ELOVL5: variants seen among roughly 807,000 people sequenced by gnomAD.
The protein encoded by ELOVL5 is ELOVL fatty acid elongase 5.
Under a neutral mutation model 38.6 loss-of-function variants are expected in ELOVL5, and 8 were observed. The observed-to-expected ratio is 0.21, with a 90% confidence interval of 0.12 to 0.37. ELOVL5 has a LOEUF of 0.37. Ranked by LOEUF, ELOVL5 falls within the 10% of genes least tolerant of loss-of-function variation. The pLI is 1.00. For missense variants in ELOVL5, 280 were observed against 367.8 expected (o/e 0.76, Z 1.95); for synonymous variants, 127 against 133.7 (o/e 0.95, Z 0.34).
At chr6:53,343,179 C>T (rs1429310193) in intron 1 of ELOVL5, among the ~76,000 whole-genome samples, 1 of 151,176 alleles carries the variant, frequency 6.6e-6, no homozygotes, top group Non-Finnish European at 1.5e-5. Flanking sequence ...ATCAACTGTT[C>T]TGACATTTTC....
intron 1 of ELOVL5, among the ~76,000 whole-genome samples, chr6:53,348,609 C>T (rs1769686528): frequency 6.6e-6 from 1 of 152,228 alleles, no homozygotes; most frequent in Admixed American, 6.5e-5. Context: ...GCACCCCTTT[C>T]CCCGCGCCCG....
chr6:53,292,997 G>A (rs923177292), intron 2 of ELOVL5, among the ~76,000 whole-genome samples: 4 of 152,124 alleles, frequency 2.6e-5, no homozygotes, highest in African/African-American at 9.7e-5. Context: ...AGGGAAACAG[G>A]TCAGCCGCCA....
intron 1 of ELOVL5, among the ~76,000 whole-genome samples, chr6:53,303,809 G>A (rs962664062): frequency 7.9e-5 from 12 of 152,224 alleles, no homozygotes; most frequent in African/African-American, 2.9e-4. Flanking sequence ...TTTAACCATC[G>A]CTGGAGAAGG....
At chr6:53,303,161 T>C (rs762735036) in intron 1 of ELOVL5, among the ~76,000 whole-genome samples, 10 of 152,224 alleles carry the variant, frequency 6.6e-5, no homozygotes, top group African/African-American at 1.2e-4. Flanking sequence ...TTTTCTAGGT[T>C]GGGAAAATCA....
intron 3 of ELOVL5, among the ~76,000 whole-genome samples, chr6:53,289,081 C>T (rs1766678427): frequency 6.6e-6 from 1 of 152,074 alleles, no homozygotes; most frequent in Non-Finnish European, 1.5e-5. Flanking sequence ...CCGCTTCTTC[C>T]TGTCTCCTTT....
intron 3 of ELOVL5, among the ~76,000 whole-genome samples, chr6:53,277,256 G>A (rs1400315161): frequency 6.6e-6 from 1 of 151,944 alleles, no homozygotes; most frequent in African/African-American, 2.4e-5. Flanking sequence ...CACTCACGCT[G>A]GGTATCCTGC....
At chr6:53,281,690 T>C (rs1411867183) in intron 3 of ELOVL5, among the ~76,000 whole-genome samples, 1 of 152,200 alleles carries the variant, frequency 6.6e-6, no homozygotes, top group Non-Finnish European at 1.5e-5. Flanking sequence ...CTCTAGGGTT[T>C]AGTTGGCCAA....
At chr6:53,318,575 C>T (rs1405607146) in intron 1 of ELOVL5, among the ~76,000 whole-genome samples, 1 of 151,966 alleles carries the variant, frequency 6.6e-6, no homozygotes, top group East Asian at 1.9e-4. Context: ...CCCATCTCTA[C>T]AAAAACTACA....
At chr6:53,304,514 T>C (rs1767400452) in intron 1 of ELOVL5, among the ~76,000 whole-genome samples, 1 of 152,166 alleles carries the variant, frequency 6.6e-6, no homozygotes, top group South Asian at 2.1e-4. Context: ...GGCAGGGTCA[T>C]AGGACAACAG....
intron 1 of ELOVL5, among the ~76,000 whole-genome samples, chr6:53,319,858 T>C (rs989113378): frequency 3.9e-5 from 6 of 152,232 alleles, no homozygotes; most frequent in African/African-American, 1.2e-4. Flanking sequence ...TGCAGCCCTT[T>C]GTCATCTTTG....
At chr6:53,333,032 A>C (rs553127855) in intron 1 of ELOVL5, among the ~76,000 whole-genome samples, 1 of 152,278 alleles carries the variant, frequency 6.6e-6, no homozygotes, top group Non-Finnish European at 1.5e-5. Context: ...AAATTACATG[A>C]CACTCCCTTC....
chr6:53,304,778 G>T (rs1031588359), intron 1 of ELOVL5, among the ~76,000 whole-genome samples: 1 of 152,342 alleles, frequency 6.6e-6, no homozygotes, highest in Middle Eastern at 3.4e-3. Context: ...CAACGCAGAA[G>T]AATTTTTCTT....
chr6:53,330,963 T>C (rs1561891070), intron 1 of ELOVL5, among the ~76,000 whole-genome samples: 1 of 152,236 alleles, frequency 6.6e-6, no homozygotes, highest in Non-Finnish European at 1.5e-5. Flanking sequence ...CAATGTTTTC[T>C]TCAGGAATAC....
chr6:53,341,800 GAC>G (rs1218118939), intron 1 of ELOVL5, among the ~76,000 whole-genome samples: 1 of 152,158 alleles, frequency 6.6e-6, no homozygotes, highest in Non-Finnish European at 1.5e-5. Flanking sequence ...ATAACAGAGA[GAC>G]GTTTTTACTA....
At position 53,297,632 on chromosome 6, in the gene ELOVL5, T is replaced by C. The variant is rs185496842; in HGVS notation, c.-8-1925A>G. ...TGTTCGATTTAATTATTAGTTATTG[T>C]TGTTAATCTTACTTTGCCTAATTTA... is the stretch of plus-strand genomic sequence containing the variant. On this transcript the variant is annotated intron_variant, in intron 1 of 7. Transcript: ENST00000304434. Among the ~76,000 whole-genome samples the C allele has an allele frequency of 3.0e-3, 455 of 152,312 alleles. 7 individuals are homozygous for C. In the South Asian group the frequency reaches 0.031, roughly 10 times the overall value.
intron 6 of ELOVL5, 150 bp from the exon 7 acceptor site, chr6:53,270,877 A>G (rs1765893953): frequency 2.6e-6 from 2 of 765,636 alleles, no homozygotes; most frequent in Non-Finnish European, 4.2e-6. Flanking sequence ...TGAACACAAC[A>G]CATACACTAT....
At chr6:53,322,311 C>T (rs1768332231) in intron 1 of ELOVL5, among the ~76,000 whole-genome samples, 2 of 152,132 alleles carry the variant, frequency 1.3e-5, no homozygotes, top group Admixed American at 1.3e-4. Flanking sequence ...GAAGACTCTT[C>T]CAGTTGTTTT....
chr6:53,318,264 G>A (rs761628702), intron 1 of ELOVL5, among the ~76,000 whole-genome samples: 1 of 152,196 alleles, frequency 6.6e-6, no homozygotes, highest in East Asian at 1.9e-4. Flanking sequence ...GCTACCAAGA[G>A]TATAGCTGAA....
At chr6:53,270,776 G>C in intron 6 of ELOVL5, 49 bp from the exon 7 acceptor site, 3 of 1,602,270 alleles carry the variant, frequency 1.9e-6, no homozygotes, top group Non-Finnish European at 2.6e-6. Context: ...GCATGGACGA[G>C]GCCCCACACC....
Sources: allele counts gnomAD v4.1 joint callset (sites outside exome capture counted in the v4.1 genomes callset), GRCh38; gene constraint gnomAD v4.1.1; transcripts MANE v1.5; gene names NCBI Gene and HGNC (gene_info 2026-07-23, HGNC 2026-07-21).